Variants in PRKCQ observed in about 807,000 individuals in gnomAD.
PRKCQ encodes the protein protein kinase C theta type.
PRKCQ carries 41 observed loss-of-function variants against 91.2 expected under a neutral mutation model. That is an observed-to-expected ratio of 0.45 (90% CI 0.35 to 0.58). The LOEUF (loss-of-function observed/expected upper bound fraction) is 0.58, where lower values mean the gene tolerates loss of function less well. PRKCQ is among the 20% of genes least tolerant of loss of function. PRKCQ has a pLI of 0.00. For synonymous variants in PRKCQ, 307 were observed against 316.9 expected (o/e 0.97, Z 0.33); for missense variants, 673 against 896.5 (o/e 0.75, Z 3.18).
the PRKCQ span, among the ~76,000 whole-genome samples, chr10:6,413,484 A>T: frequency 3.2e-5 from 3 of 94,170 alleles, no homozygotes; most frequent in Non-Finnish European, 4.9e-5. Flanking sequence ...TCACACACAC[A>T]CACACACACA....
At chr10:6,534,767 C>CAT (rs1042829245) in intron 1 of PRKCQ, among the ~76,000 whole-genome samples, 26 of 94,800 alleles carry the variant, frequency 2.7e-4, no homozygotes, top group Admixed American at 8.1e-4. Context: ...TAAATAGAAA[C>CAT]ATATATCTAT....
intron 2 of PRKCQ, 101 bp downstream of exon 2, chr10:6,514,917 C>T: frequency 6.4e-7 from 1 of 1,571,884 alleles, no homozygotes. Context: ...GATTTGGTTC[C>T]ACCAGATGAT....
intron 1 of PRKCQ, among the ~76,000 whole-genome samples, chr10:6,579,720 G>A (rs536083990): frequency 6.7e-6 from 1 of 149,600 alleles, no homozygotes; most frequent in Admixed American, 6.7e-5. Flanking sequence ...CAGAAACTTG[G>A]CTTGTTTAGA....
At chr10:6,433,974 T>C (rs1412548352) in intron 16 of PRKCQ, among the ~76,000 whole-genome samples, 1 of 139,766 alleles carries the variant, frequency 7.2e-6, no homozygotes, top group Non-Finnish European at 1.5e-5. Flanking sequence ...GAGGTTGCAG[T>C]GAGCCGAGAT....
the PRKCQ span, among the ~76,000 whole-genome samples, chr10:6,421,996 T>G: frequency 6.6e-6 from 1 of 152,226 alleles, no homozygotes; most frequent in African/African-American, 2.4e-5. This position sits in a 1 kb window ranked among gnomAD's most constrained non-coding sequence, Gnocchi z 4.1. Context: ...TTGTATTAAC[T>G]TTTACAAATT....
At chr10:6,406,136 G>A in the PRKCQ span, among the ~76,000 whole-genome samples, 2 of 152,178 alleles carry the variant, frequency 1.3e-5, no homozygotes, top group Non-Finnish European at 2.9e-5. Flanking sequence ...ATTATAAGGA[G>A]TGAAATCTAA....
At chr10:6,421,968 T>C in the PRKCQ span, among the ~76,000 whole-genome samples, 1 of 152,260 alleles carries the variant, frequency 6.6e-6, no homozygotes, top group Non-Finnish European at 1.5e-5. This position sits in a 1 kb window ranked among gnomAD's most constrained non-coding sequence, Gnocchi z 4.1. Flanking sequence ...GTCAGTGTTA[T>C]TACTTTTGTA....
intron 4 of PRKCQ, among the ~76,000 whole-genome samples, chr10:6,501,342 G>A (rs1837902059): frequency 6.6e-6 from 1 of 152,118 alleles, no homozygotes; most frequent in South Asian, 2.1e-4. Context: ...TATGTCTTGG[G>A]AATAAGGAAG....
intron 14 of PRKCQ, among the ~76,000 whole-genome samples, chr10:6,460,863 C>T (rs1436037264): frequency 6.6e-6 from 1 of 151,826 alleles, no homozygotes. Flanking sequence ...ATCCAACCAT[C>T]TGTTCAATTT....
chr10:6,521,818 A>G (rs1839014314), intron 1 of PRKCQ, among the ~76,000 whole-genome samples: 1 of 152,130 alleles, frequency 6.6e-6, no homozygotes, highest in South Asian at 2.1e-4. Flanking sequence ...ATCATGATGG[A>G]TATCAGGTAT....
chr10:6,533,300 C>T (rs755539611), intron 1 of PRKCQ, among the ~76,000 whole-genome samples: 2 of 152,156 alleles, frequency 1.3e-5, no homozygotes, highest in Non-Finnish European at 2.9e-5. Context: ...CGAGTTCAAG[C>T]GATTCTCCTG....
At chr10:6,479,250 G>C in intron 11 of PRKCQ, 85 bp from the exon 12 acceptor site, 1 of 1,491,138 alleles carries the variant, frequency 6.7e-7, no homozygotes, top group South Asian at 1.3e-5. Context: ...AGAGACACCT[G>C]TGTTGGGTGG....
chr10:6,491,535 C>G, intron 8 of PRKCQ, 148 bp downstream of exon 8: 1 of 1,087,714 alleles, frequency 9.2e-7, no homozygotes, highest in Middle Eastern at 3.1e-4. Flanking sequence ...TGGCTTATTG[C>G]CCCAGAAGAC....
intron 1 of PRKCQ, among the ~76,000 whole-genome samples, chr10:6,532,041 T>C (rs1231374311): frequency 2.0e-5 from 3 of 152,248 alleles, no homozygotes; most frequent in South Asian, 4.1e-4. Flanking sequence ...AGTGAGGATC[T>C]GATTTGAATA....
chr10:6,462,609 C>T (rs930719645), intron 13 of PRKCQ, among the ~76,000 whole-genome samples: 7 of 152,272 alleles, frequency 4.6e-5, no homozygotes, highest in African/African-American at 1.7e-4. Flanking sequence ...GTGAGTCCTG[C>T]CTGTATCTAG....
intron 1 of PRKCQ, among the ~76,000 whole-genome samples, chr10:6,578,007 G>A (rs529388954): frequency 2.6e-5 from 4 of 152,294 alleles, no homozygotes; most frequent in African/African-American, 7.2e-5. Flanking sequence ...TCTTTTCCAC[G>A]GAAGAGACAG....
intron 15 of PRKCQ, among the ~76,000 whole-genome samples, chr10:6,455,773 A>G (rs1328195544): frequency 6.6e-6 from 1 of 152,236 alleles, no homozygotes; most frequent in Non-Finnish European, 1.5e-5. Flanking sequence ...CTGCAGCTAC[A>G]TGAGATGTGA....
At chr10:6,552,579 T>C (rs1222158687) in intron 1 of PRKCQ, among the ~76,000 whole-genome samples, 7 of 151,806 alleles carry the variant, frequency 4.6e-5, no homozygotes, top group African/African-American at 1.7e-4. Flanking sequence ...GATCCTCCCC[T>C]TCAGTGTCCC....
At chr10:6,549,792 G>A (rs1036191894) in intron 1 of PRKCQ, among the ~76,000 whole-genome samples, 7 of 151,620 alleles carry the variant, frequency 4.6e-5, no homozygotes, top group Admixed American at 6.6e-5. Context: ...CACCATGCCC[G>A]GCTAATTTTT....
Sources: allele counts gnomAD v4.1 joint callset (sites outside exome capture counted in the v4.1 genomes callset), GRCh38; gene constraint gnomAD v4.1.1; non-coding constraint Gnocchi (gnomAD v3.1); transcripts MANE v1.5; gene names NCBI Gene and HGNC (gene_info 2026-07-23, HGNC 2026-07-21).